ARPC2: variants seen among roughly 807,000 people sequenced by gnomAD.
ARPC2 encodes actin-related protein 2/3 complex subunit 2.
ARPC2 carries 4 observed loss-of-function variants against 38.6 expected under a neutral mutation model. That is an observed-to-expected ratio of 0.10 (90% CI 0.05 to 0.24). The LOEUF (loss-of-function observed/expected upper bound fraction) is 0.24. Ranked by LOEUF, ARPC2 falls within the 10% of genes least tolerant of loss-of-function variation. ARPC2 has a pLI of 1.00. For synonymous variants in ARPC2, 125 were observed against 140.8 expected, an observed-to-expected ratio of 0.89 and a Z score of 0.79; for missense variants, 229 against 387.3, an observed-to-expected ratio of 0.59 and a Z score of 3.43.
intron 8 of ARPC2, among the ~76,000 whole-genome samples, chr2:218,246,084 G>A (rs1690023481): frequency 6.6e-6 from 1 of 152,050 alleles, no homozygotes; most frequent in Non-Finnish European, 1.5e-5. Context: ...GGGCATGGTG[G>A]CGCACGTCTG....
intron 4 of ARPC2, among the ~76,000 whole-genome samples, chr2:218,232,538 C>G (rs1240821127): frequency 6.7e-6 from 1 of 149,546 alleles, no homozygotes; most frequent in Admixed American, 6.7e-5. Context: ...AAGAGAGGGC[C>G]AGACTCAATT....
intron 3 of ARPC2, chr2:218,227,245 A>C (rs2106146117): frequency 3.2e-6 from 1 of 310,816 alleles, no homozygotes; most frequent in South Asian, 2.5e-5. Flanking sequence ...ACACAGGCTG[A>C]GTCAGTCCTG....
chr2:218,251,193 T>G (rs1307359470), intron 10 of ARPC2, among the ~76,000 whole-genome samples: 1 of 149,714 alleles, frequency 6.7e-6, no homozygotes, highest in East Asian at 1.9e-4. Context: ...CTGTTGTTGT[T>G]TTGTTTTGTT....
chr2:218,246,796 C>T (rs1288350444), intron 8 of ARPC2, among the ~76,000 whole-genome samples: 1 of 152,100 alleles, frequency 6.6e-6, no homozygotes, highest in Non-Finnish European at 1.5e-5. Flanking sequence ...CATGGTGAAA[C>T]CACACCTCTA....
chr2:218,250,517 T>A (rs1388237282), intron 10 of ARPC2, among the ~76,000 whole-genome samples: 1 of 151,978 alleles, frequency 6.6e-6, no homozygotes, highest in African/African-American at 2.4e-5. Context: ...CAAAAAAAAT[T>A]AGCCGGTCGT....
intron 2 of ARPC2, among the ~76,000 whole-genome samples, chr2:218,225,172 G>A (rs962424349): frequency 3.9e-5 from 6 of 152,142 alleles, no homozygotes; most frequent in Admixed American, 3.3e-4. Flanking sequence ...TGATGATAGG[G>A]GAGAATGCAA....
At chr2:218,222,143 T>C (rs1201094683) in intron 2 of ARPC2, among the ~76,000 whole-genome samples, 2 of 152,164 alleles carry the variant, frequency 1.3e-5, no homozygotes, top group Non-Finnish European at 2.9e-5. Flanking sequence ...GGCGCACACC[T>C]GTAATCCCAG....
At chr2:218,233,511 G>C (rs759150611) in intron 4 of ARPC2, 3 of 151,716 alleles carry the variant, frequency 2.0e-5, no homozygotes, top group Non-Finnish European at 4.4e-5. Context: ...TTCTGGTTTG[G>C]GGGGAAAGAC....
At chr2:218,238,518 G>C in intron 5 of ARPC2, 146 bp from the exon 6 acceptor site, 1 of 548,222 alleles carries the variant, frequency 1.8e-6, no homozygotes, top group Non-Finnish European at 3.1e-6. Context: ...GAGACAAAAT[G>C]TCAATAGAAC....
intron 5 of ARPC2, chr2:218,234,791 T>C: frequency 1.9e-5 from 9 of 462,630 alleles, no homozygotes; most frequent in South Asian, 1.4e-4. Flanking sequence ...AAGAGGAATA[T>C]TCACCACACT....
At chr2:218,224,822 C>T (rs1689460287) in intron 2 of ARPC2, among the ~76,000 whole-genome samples, 2 of 152,202 alleles carry the variant, frequency 1.3e-5, no homozygotes, top group South Asian at 4.1e-4. Flanking sequence ...TCTATATCAG[C>T]TTTTTAACAC....
chr2:218,247,387 A>G (rs1488548206), intron 8 of ARPC2, among the ~76,000 whole-genome samples: 1 of 152,224 alleles, frequency 6.6e-6, no homozygotes, highest in Non-Finnish European at 1.5e-5. Flanking sequence ...TGTGAAATGT[A>G]ATTTAATTCA....
At chr2:218,237,344 C>T (rs1383438553) in intron 5 of ARPC2, among the ~76,000 whole-genome samples, 3 of 151,946 alleles carry the variant, frequency 2.0e-5, no homozygotes, top group Admixed American at 2.0e-4. Flanking sequence ...GGACCACAGG[C>T]GTGTACCACC....
At chr2:218,231,513 T>G (rs1040079530) in intron 4 of ARPC2, among the ~76,000 whole-genome samples, 8 of 152,078 alleles carry the variant, frequency 5.3e-5, no homozygotes, top group Admixed American at 3.3e-4. Context: ...AGCTCAGAGG[T>G]CGCATGCTGT....
intron 2 of ARPC2, among the ~76,000 whole-genome samples, chr2:218,223,583 G>A (rs753355923): frequency 3.3e-5 from 5 of 152,228 alleles, no homozygotes; most frequent in Non-Finnish European, 5.9e-5. Flanking sequence ...GGAGACTGCT[G>A]TACTGCTGGA....
At chr2:218,235,704 C>T (rs140838249) in intron 5 of ARPC2, 2 of 152,326 alleles carry the variant, frequency 1.3e-5, no homozygotes, top group Non-Finnish European at 2.9e-5. Flanking sequence ...GTTTCTGTCC[C>T]TGGGCCTCCT....
At chr2:218,243,236 C>T (rs1689921388) in intron 7 of ARPC2, among the ~76,000 whole-genome samples, 1 of 152,180 alleles carries the variant, frequency 6.6e-6, no homozygotes, top group Non-Finnish European at 1.5e-5. Flanking sequence ...CTACTTTTAT[C>T]ATATGCTAAA....
intron 8 of ARPC2, among the ~76,000 whole-genome samples, chr2:218,246,220 A>T (rs77490320): frequency 6.9e-6 from 1 of 145,208 alleles, no homozygotes; most frequent in South Asian, 2.1e-4. Flanking sequence ...CTTGTCTCCA[A>T]AAAAAAAAAA....
At chr2:218,248,864 C>A (rs948619914) in intron 8 of ARPC2, among the ~76,000 whole-genome samples, 2 of 152,224 alleles carry the variant, frequency 1.3e-5, no homozygotes, top group Non-Finnish European at 2.9e-5. Context: ...CAGGTCCTTA[C>A]ACCTTATTGT....
Sources: gnomAD v4.1 joint callset for allele counts (sites outside exome capture counted in the v4.1 genomes callset) on GRCh38, gnomAD v4.1.1 for gene constraint, MANE v1.5 for transcripts, NCBI Gene and HGNC (gene_info 2026-07-23, HGNC 2026-07-21) for gene names.